Variants in GPD2 observed in about 807,000 individuals in gnomAD.
GPD2 encodes glycerol-3-phosphate dehydrogenase, mitochondrial.
GPD2 carries 54 observed loss-of-function variants against 82.4 expected under a neutral mutation model. The observed-to-expected ratio is 0.66, with a 90% CI of 0.53 to 0.82. GPD2 has a LOEUF of 0.82. GPD2 is among the 40% of genes least tolerant of loss of function. The pLI is 0.00. For synonymous variants in GPD2, 288 were observed against 306.1 expected, an observed-to-expected ratio of 0.94 and a Z score of 0.62; for missense variants, 748 against 896.2, an observed-to-expected ratio of 0.83 and a Z score of 2.11.
intron 6 of GPD2, among the ~76,000 whole-genome samples, chr2:156,535,064 GT>G (rs1486793254): frequency 2.0e-5 from 3 of 151,962 alleles, no homozygotes; most frequent in African/African-American, 7.3e-5. Flanking sequence ...ACAGGAAGCA[GT>G]TGTGTAGAGC....
At chr2:156,548,786 T>C (rs1686645160) in intron 6 of GPD2, among the ~76,000 whole-genome samples, 1 of 152,178 alleles carries the variant, frequency 6.6e-6, no homozygotes, top group Admixed American at 6.5e-5. Flanking sequence ...CCCTGGATAA[T>C]TAATTATTCA....
Position 156,574,360 on chromosome 2 carries a change from G to T in GPD2, c.1767+3068G>T, listed in dbSNP as rs569660615. ...CAATTGCAATTAGAACCTTTAAAAT[G>T]GTTATGTATGTTTTCAGTTTCCAAA... is the stretch of plus-strand genomic sequence containing the variant. On this transcript the variant is annotated intron_variant, in intron 13 of 16. Transcript: ENST00000438166. Among the ~76,000 whole-genome samples the T allele has an allele frequency of 3.3e-5, 5 of 152,242 alleles. No individual in the cohort carries two copies. The East Asian group carries it at 9.7e-4, about 29-fold the overall frequency.
At chr2:156,477,096 A>G (rs2105203850) in intron 2 of GPD2, among the ~76,000 whole-genome samples, 1 of 152,286 alleles carries the variant, frequency 6.6e-6, no homozygotes, top group South Asian at 2.1e-4. Flanking sequence ...AGCCAGGCGC[A>G]TTGCTTGCAA....
intron 7 of GPD2, 114 bp downstream of exon 7, chr2:156,549,886 A>G: frequency 1.2e-6 from 1 of 826,022 alleles, no homozygotes; most frequent in Non-Finnish European, 2.0e-6. Context: ...CTTCAGAGTC[A>G]TATTAATTAT....
In GPD2 at chr2:156,502,028, G is replaced by A. The variant is rs192264514; in HGVS notation, c.274+5813G>A. On this transcript the variant is annotated intron_variant, in intron 3 of 16. Transcript: ENST00000438166. ...TGAAGTTTAGAATATGGTAAAGGCA[G>A]CATTTCAAAACTGTCATCATTAGTT... 1,058 of 153,228 alleles carry A rather than the reference G, an allele frequency of 6.9e-3. 5 individuals are homozygous for A. Among genetic ancestry groups the A allele is most frequent in the Non-Finnish European group, 0.01 (681 of 68,002 alleles). 9.5% of individuals were successfully genotyped at this position (153,228 alleles called of 1,614,324 possible).
intron 6 of GPD2, among the ~76,000 whole-genome samples, chr2:156,523,813 G>A (rs1685508165): frequency 6.6e-6 from 1 of 152,086 alleles, no homozygotes; most frequent in Non-Finnish European, 1.5e-5. Flanking sequence ...CGAAGTGCTG[G>A]GATTCCAGGC....
At chr2:156,521,823 T>C (rs1685418006) in intron 6 of GPD2, among the ~76,000 whole-genome samples, 1 of 152,250 alleles carries the variant, frequency 6.6e-6, no homozygotes, top group South Asian at 2.1e-4. Flanking sequence ...TATTTCTCCT[T>C]GTTCATATGC....
At chr2:156,447,307 A>G (rs1682400663) in intron 1 of GPD2, among the ~76,000 whole-genome samples, 1 of 151,714 alleles carries the variant, frequency 6.6e-6, no homozygotes, top group African/African-American at 2.4e-5. Flanking sequence ...CAACTGTTGG[A>G]ATCTGTCTTC....
chr2:156,426,090 AT>A, the GPD2 span, among the ~76,000 whole-genome samples: 64 of 151,944 alleles, frequency 4.2e-4, no homozygotes, highest in East Asian at 0.012. Flanking sequence ...CGCCAGGCTA[AT>A]TTTTTGTATT....
chr2:156,480,774 C>CTTT (rs373482615), intron 2 of GPD2, among the ~76,000 whole-genome samples: 4 of 136,568 alleles, frequency 2.9e-5, no homozygotes, highest in Non-Finnish European at 4.8e-5. Flanking sequence ...ATCTCTCTCT[C>CTTT]TTTTTTTTTT....
At chr2:156,511,265 C>A (rs2105270298) in intron 4 of GPD2, among the ~76,000 whole-genome samples, 1 of 152,300 alleles carries the variant, frequency 6.6e-6, no homozygotes, top group Non-Finnish European at 1.5e-5. Flanking sequence ...TGTTGTAATG[C>A]AGGGGGAGTG....
intron 8 of GPD2, among the ~76,000 whole-genome samples, chr2:156,555,288 T>C (rs2105342705): frequency 6.6e-6 from 1 of 152,354 alleles, no homozygotes; most frequent in Non-Finnish European, 1.5e-5. Context: ...TACATGTGTG[T>C]TGGTAACCAT....
chr2:156,527,288 A>C (rs1685645361), intron 6 of GPD2, among the ~76,000 whole-genome samples: 5 of 152,158 alleles, frequency 3.3e-5, no homozygotes, highest in Admixed American at 3.3e-4. Context: ...TCTTCGGTAC[A>C]TAGTTTTTAT....
chr2:156,463,463 A>G (rs1683055411), intron 1 of GPD2, among the ~76,000 whole-genome samples: 2 of 152,238 alleles, frequency 1.3e-5, no homozygotes. Flanking sequence ...GGACATTAAG[A>G]TAATGCCACA....
chr2:156,569,698 C>A (rs1010274384), intron 11 of GPD2, among the ~76,000 whole-genome samples, 160 bp downstream of exon 11: 2 of 152,114 alleles, frequency 1.3e-5, no homozygotes, highest in African/African-American at 2.4e-5. Flanking sequence ...TCTTGCTTTG[C>A]TTTACTTGCC....
upstream of GPD2, among the ~76,000 whole-genome samples, chr2:156,430,513 T>C (rs1357811652): frequency 6.6e-6 from 1 of 152,210 alleles, no homozygotes; most frequent in East Asian, 1.9e-4. Context: ...AACCAGACCA[T>C]GGTTGAAGAA....
chr2:156,430,055 C>T, the GPD2 span, among the ~76,000 whole-genome samples: 2 of 152,126 alleles, frequency 1.3e-5, no homozygotes, highest in Non-Finnish European at 2.9e-5. Flanking sequence ...TATAACATAA[C>T]TTTCTAATTC....
In GPD2 at chr2:156,568,824, G is replaced by T. The variant is rs1558966080; in HGVS notation, c.1166-1G>T. ...TAACCCTTGGCATTGATTCCTACCA[G>T]TGAGAAGAGGGGATGTCCTGGCAGC... On this transcript the variant is annotated splice_acceptor_variant, in intron 9 of 16. Transcript: ENST00000438166. LOFTEE classifies it high-confidence loss of function. The T allele has an allele frequency of 6.2e-7, 1 of 1,612,308 alleles. No individual in the cohort carries two copies. Among genetic ancestry groups the T allele is most frequent in the African/African-American group, 1.3e-5 (1 of 74,922 alleles).
chr2:156,401,216 G>A, the GPD2 span, among the ~76,000 whole-genome samples: 15 of 152,268 alleles, frequency 9.9e-5, no homozygotes, highest in South Asian at 2.1e-4. Flanking sequence ...AACCACCAAT[G>A]CTTATAGCAA....
Sources: gnomAD v4.1 joint callset for allele counts (sites outside exome capture counted in the v4.1 genomes callset) on GRCh38, gnomAD v4.1.1 for gene constraint, MANE v1.5 for transcripts, NCBI Gene and HGNC (gene_info 2026-07-23, HGNC 2026-07-21) for gene names.